DCAF10: variants seen among roughly 807,000 people sequenced by gnomAD.
DCAF10 encodes the protein DDB1 and CUL4 associated factor 10.
In DCAF10, 19 loss-of-function variants were observed where a neutral mutation model predicts 51.9. The ratio of observed to expected loss-of-function variants is 0.37; its 90% confidence interval spans 0.26 to 0.54. DCAF10 has a LOEUF of 0.54. Among genes scored for constraint, DCAF10 ranks in the 20% least tolerant of loss-of-function variants. DCAF10 has a pLI of 0.87. For missense variants in DCAF10, 510 were observed against 730.6 expected, an observed-to-expected ratio of 0.70 and a Z score of 3.48; for synonymous variants, 291 against 297.1, an observed-to-expected ratio of 0.98 and a Z score of 0.21.
chr9:37,819,174 T>G, intron 1 of DCAF10, 114 bp from the exon 2 acceptor site: 1 of 721,400 alleles, frequency 1.4e-6, no homozygotes, highest in East Asian at 2.7e-5. Context: ...GCTACTAACA[T>G]GGGCAAAAAA....
chr9:37,829,631 A>T lies in DCAF10; in HGVS notation c.653+10230A>T, dbSNP rs1829950794. On this transcript the variant is annotated intron_variant, in intron 2 of 6. Transcript: ENST00000377724. The surrounding 1 kb of genome is among the most constrained non-coding windows in gnomAD (Gnocchi z 4.2). ...TGAGAAATAGGCACTCTTAGATATTACTGATGAAGTATAAATTTATAACAT... is the reference window on the plus strand; with the variant it reads ...TGAGAAATAGGCACTCTTAGATATTTCTGATGAAGTATAAATTTATAACAT... Among the ~76,000 whole-genome samples, 1 of 152,214 alleles carries T rather than the reference A, an allele frequency of 6.6e-6. No homozygotes were observed. Among genetic ancestry groups the T allele is most frequent in the African/African-American group, 2.4e-5 (1 of 41,458 alleles).
intron 1 of DCAF10, among the ~76,000 whole-genome samples, chr9:37,810,091 G>T (rs1829289244): frequency 6.6e-6 from 1 of 151,830 alleles, no homozygotes; most frequent in African/African-American, 2.4e-5. Flanking sequence ...GGCGGAGGTT[G>T]CAGTGAGCTG....
chr9:37,830,515 G>A (rs1372938244), intron 2 of DCAF10, among the ~76,000 whole-genome samples: 1 of 152,174 alleles, frequency 6.6e-6, no homozygotes, highest in East Asian at 1.9e-4. Flanking sequence ...ACAACTTTTG[G>A]ATAGTGGTTC....
intron 2 of DCAF10, among the ~76,000 whole-genome samples, chr9:37,827,504 A>AT (rs1308659516): frequency 2.6e-5 from 4 of 152,194 alleles, no homozygotes; most frequent in Non-Finnish European, 5.9e-5. Context: ...AATGTTTCTA[A>AT]TTAAAAACAA....
chr9:37,816,659 G>GGGGGGTGTGTGTGTGTGTGTGT (rs372664140), intron 1 of DCAF10, among the ~76,000 whole-genome samples: 1,456 of 144,936 alleles, frequency 0.01, 10 homozygotes, highest in Non-Finnish European at 0.015. Flanking sequence ...CTGCACCTGG[G>GGGGGGTGTGTGTGTGTGTGTGT]GTGTGTGTGT....
chr9:37,853,839 G>A (rs879481816), intron 3 of DCAF10, among the ~76,000 whole-genome samples: 2 of 151,952 alleles, frequency 1.3e-5, no homozygotes, highest in African/African-American at 2.4e-5. Context: ...AAAGTGTTGG[G>A]ATTACAGGTG....
rs750371022 is a variant in DCAF10 at position 37,842,209 on chromosome 9, C to T, written c.774C>T (p.Asn258=). The change falls in exon 3 of 7, where the codon AAC becomes AAT. Residue 258 remains asparagine, a synonymous_variant. Transcript: ENST00000377724. ...TLHGHTSWVK[N]IEYDTNTRLL... is the part of the protein sequence containing the mutation. The stretch of plus-strand genomic sequence containing the variant: ...ATGGTCACACTAGCTGGGTGAAGAA[C>T]ATCGAATATGATACTAATACAAGAC... 6.2e-7 allele frequency: 1 copy of T among 1,613,892 alleles called. No homozygotes were observed. The highest frequency in any genetic ancestry group is 8.5e-7 in the Non-Finnish European group (1 of 1,179,924).
intron 1 of DCAF10, among the ~76,000 whole-genome samples, chr9:37,808,964 C>T (rs934300169): frequency 6.7e-6 from 1 of 149,308 alleles, no homozygotes; most frequent in African/African-American, 2.5e-5. Context: ...AAAAATTAGC[C>T]TGGTGTGGTG....
At chr9:37,842,782 G>C (rs2118049178) in intron 3 of DCAF10, among the ~76,000 whole-genome samples, 1 of 152,310 alleles carries the variant, frequency 6.6e-6, no homozygotes, top group East Asian at 1.9e-4. Context: ...AGTCAGCAAG[G>C]ACCAGAGTTT....
At position 37,801,123 on chromosome 9, in the gene DCAF10, G is replaced by C; in HGVS notation, c.257G>C (p.Gly86Ala). ...APESSTASAP[G>A]EPSPPSPPCR... ...GAGTCCTCAACTGCCTCCGCCCCGG[G>C]AGAGCCGTCACCTCCCTCCCCTCCG... Residue 86 changes from glycine (G) to alanine (A), a missense_variant, in exon 1 of 7, where the codon GGA (glycine) becomes GCA (alanine). By Grantham distance (60) the Gly-to-Ala change is moderately conservative. This residue lies in a region of DCAF10 where 251 missense variants were observed against 227.9 expected (regional missense o/e 1.10). Transcript: ENST00000377724. The surrounding 1 kb of genome is among the most constrained non-coding windows in gnomAD (Gnocchi z 5.5). 1 of 1,536,794 alleles carries C rather than the reference G, an allele frequency of 6.5e-7. No individual in the cohort carries two copies. The highest frequency in any genetic ancestry group is 8.7e-7 in the Non-Finnish European group (1 of 1,144,886).
chr9:37,861,081 A>C lies in DCAF10; in HGVS notation c.1312-59A>C. 1 of 1,520,442 alleles carries C rather than the reference A, an allele frequency of 6.6e-7. No homozygotes were observed. Among genetic ancestry groups the C allele is most frequent in the Non-Finnish European group, 8.8e-7 (1 of 1,136,186 alleles). 94.2% of individuals were successfully genotyped at this position (1,520,442 alleles called of 1,614,324 possible). ...CTGTTGAGCTTTTTAAAAATAAGGA[A>C]TATCTGTAGCACTATTTGGGCTCTG... is the stretch of plus-strand genomic sequence containing the variant. On this transcript the variant is annotated intron_variant, in intron 6 of 6. Transcript: ENST00000377724. This position sits in a 1 kb window ranked among gnomAD's most constrained non-coding sequence, Gnocchi z 4.9.
chr9:37,853,031 A>G (rs974239933), intron 3 of DCAF10, among the ~76,000 whole-genome samples: 1 of 150,066 alleles, frequency 6.7e-6, no homozygotes, highest in East Asian at 2.0e-4. Context: ...ACCATTAAAA[A>G]ATTTTATTTT....
chr9:37,858,812 T>C (rs1458359626), intron 5 of DCAF10, among the ~76,000 whole-genome samples: 1 of 152,250 alleles, frequency 6.6e-6, no homozygotes, highest in African/African-American at 2.4e-5. Context: ...ACATGAAATC[T>C]GCTGTGGATT....
At chr9:37,830,515 G>C (rs1372938244) in intron 2 of DCAF10, among the ~76,000 whole-genome samples, 1 of 152,174 alleles carries the variant, frequency 6.6e-6, no homozygotes, top group Non-Finnish European at 1.5e-5. Flanking sequence ...ACAACTTTTG[G>C]ATAGTGGTTC....
At chr9:37,830,691 A>G (rs1829980632) in intron 2 of DCAF10, among the ~76,000 whole-genome samples, 1 of 152,192 alleles carries the variant, frequency 6.6e-6, no homozygotes, top group South Asian at 2.1e-4. Context: ...CTATGTTGCT[A>G]ATATGTTATA....
At chr9:37,835,052 C>T (rs1830115769) in intron 2 of DCAF10, among the ~76,000 whole-genome samples, 1 of 152,150 alleles carries the variant, frequency 6.6e-6, no homozygotes, top group Non-Finnish European at 1.5e-5. Flanking sequence ...TCCCATAGTG[C>T]TGGGATTATG....
chr9:37,817,293 A>C (rs1181770112), intron 1 of DCAF10, among the ~76,000 whole-genome samples: 1 of 152,238 alleles, frequency 6.6e-6, no homozygotes, highest in Admixed American at 6.5e-5. Context: ...CTTTTATACA[A>C]TGTTCAAGAT....
chr9:37,840,762 C>T (rs1212946232), intron 2 of DCAF10, among the ~76,000 whole-genome samples: 2 of 152,146 alleles, frequency 1.3e-5, no homozygotes, highest in East Asian at 3.8e-4. Context: ...ACTGACTCAC[C>T]CCTCACTCAC....
chr9:37,851,788 A>AAAATAAAT lies in DCAF10; in HGVS notation c.852-2974_852-2967dup, dbSNP rs528017195. Among the ~76,000 whole-genome samples the AAAATAAAT allele has an allele frequency of 5.0e-3, 712 of 141,532 alleles. 6 individuals are homozygous for AAAATAAAT. The highest frequency in any genetic ancestry group is 0.027 in the South Asian group (129 of 4,714). The allele number at this position is 141,532 out of a possible 152,430, so 92.9% of individuals were successfully genotyped here. On this transcript the variant is annotated intron_variant, in intron 3 of 6. Coordinates refer to ENST00000377724, the MANE Select transcript of DCAF10 (RefSeq NM_024345.5). Reference sequence around the variant, plus strand: ...GGGCGACAGAGTAAGACTCTGTCTCAAAATAAATAAATAAATAAATAAATA... The same window carrying AAAATAAAT: ...GGGCGACAGAGTAAGACTCTGTCTCAAAATAAATAAATAAATAAATAAATAAATAAATA...
Sources: allele counts gnomAD v4.1 joint callset (sites outside exome capture counted in the v4.1 genomes callset), GRCh38; gene constraint gnomAD v4.1.1; regional missense constraint gnomAD v4.1.1; non-coding constraint Gnocchi (gnomAD v3.1); transcripts MANE v1.5; gene names NCBI Gene and HGNC (gene_info 2026-07-23, HGNC 2026-07-21).